The following MAGI2 variants were observed in gnomAD, a reference collection of about 807,000 sequenced individuals.
MAGI2 encodes the protein membrane associated guanylate kinase, WW and PDZ domain containing 2.
Under a neutral mutation model 133.3 loss-of-function variants are expected in MAGI2, and 35 were observed. That is an observed-to-expected ratio of 0.26 (90% CI 0.20 to 0.35). MAGI2 has a LOEUF of 0.35. Among genes scored for constraint, MAGI2 ranks in the 10% least tolerant of loss-of-function variants. The probability of loss-of-function intolerance (pLI) is 1.00; values close to 1 mark genes in which losing one functional copy is unlikely to be tolerated. For synonymous variants in MAGI2, 729 were observed against 710.6 expected (o/e 1.03, Z -0.41); for missense variants, 1,636 against 1,863.4 (o/e 0.88, Z 2.25).
At chr7:79,395,667 T>G (rs1020266236) in intron 1 of MAGI2, among the ~76,000 whole-genome samples, 3 of 152,192 alleles carry the variant, frequency 2.0e-5, no homozygotes, top group Non-Finnish European at 4.4e-5. Flanking sequence ...ATTAAGATCA[T>G]TCTGATATAT....
chr7:78,815,846 T>A (rs1789530004), intron 2 of MAGI2, among the ~76,000 whole-genome samples: 1 of 152,204 alleles, frequency 6.6e-6, no homozygotes, highest in Admixed American at 6.5e-5. Flanking sequence ...TTAACAATAT[T>A]GAAGTCAGGC....
intron 2 of MAGI2, among the ~76,000 whole-genome samples, chr7:78,645,196 A>T (rs907857033): frequency 6.6e-6 from 1 of 152,092 alleles, no homozygotes; most frequent in Non-Finnish European, 1.5e-5. Flanking sequence ...CTCCAGAGCC[A>T]GATAGCTTCA....
intron 1 of MAGI2, among the ~76,000 whole-genome samples, chr7:79,150,316 C>T (rs928199753): frequency 2.0e-5 from 3 of 151,320 alleles, no homozygotes; most frequent in African/African-American, 4.8e-5. Flanking sequence ...ACTCCAACAT[C>T]CCAAAATAGC....
chr7:78,309,358 T>C (rs1213385485), intron 9 of MAGI2, among the ~76,000 whole-genome samples: 1 of 152,150 alleles, frequency 6.6e-6, no homozygotes, highest in Non-Finnish European at 1.5e-5. Flanking sequence ...TATGCAGCCA[T>C]AAAAAAGAAT....
chr7:78,667,659 C>T lies in MAGI2; in HGVS notation c.419-40420G>A, dbSNP rs566156140. On this transcript the variant is annotated intron_variant, in intron 2 of 21. Coordinates refer to ENST00000354212, the MANE Select transcript of MAGI2 (RefSeq NM_012301.4). Reference sequence around the variant, plus strand: ...TGCAGTGTTTGGTTTTTTGTCCTTGCGACAGTTTACTGAGAATGATGATTT... The same window carrying T: ...TGCAGTGTTTGGTTTTTTGTCCTTGTGACAGTTTACTGAGAATGATGATTT... Among the ~76,000 whole-genome samples the T allele has an allele frequency of 1.4e-3, 209 of 151,194 alleles. 1 individual carries two copies. The highest frequency in any genetic ancestry group is 0.012 in the South Asian group (57 of 4,770).
chr7:78,094,749 C>T (rs1817549035), intron 20 of MAGI2, among the ~76,000 whole-genome samples: 1 of 152,210 alleles, frequency 6.6e-6, no homozygotes, highest in African/African-American at 2.4e-5. Flanking sequence ...GTGCTGTTGA[C>T]TCCTGCCCTT....
At chr7:78,428,493 TA>T (rs1467864902) in intron 6 of MAGI2, among the ~76,000 whole-genome samples, 2 of 152,328 alleles carry the variant, frequency 1.3e-5, no homozygotes, top group East Asian at 3.9e-4. Context: ...TAAAAATATT[TA>T]AAAATTGACA....
At chr7:78,203,317 T>A (rs193028366) in intron 10 of MAGI2, among the ~76,000 whole-genome samples, 86 of 152,332 alleles carry the variant, frequency 5.6e-4, no homozygotes, top group South Asian at 8.3e-4. Context: ...CATCTCCACA[T>A]GAGACGTTAT....
intron 12 of MAGI2, among the ~76,000 whole-genome samples, chr7:78,192,949 G>A (rs1828379778): frequency 6.6e-6 from 1 of 152,148 alleles, no homozygotes; most frequent in Non-Finnish European, 1.5e-5. Flanking sequence ...GAGGGAAAGG[G>A]CGATGAAGAG....
intron 2 of MAGI2, among the ~76,000 whole-genome samples, chr7:78,694,357 C>T (rs977652438): frequency 7.9e-5 from 12 of 152,108 alleles, no homozygotes; most frequent in Non-Finnish European, 1.2e-4. Context: ...TCTTTTAAAC[C>T]AGGTGGAATC....
At chr7:79,047,322 CT>C (rs1177807565) in intron 1 of MAGI2, among the ~76,000 whole-genome samples, 2 of 151,760 alleles carry the variant, frequency 1.3e-5, no homozygotes, top group African/African-American at 2.4e-5. Context: ...CTAAATTACT[CT>C]TTATTAAATT....
chr7:78,597,029 A>G (rs893547733), intron 3 of MAGI2, among the ~76,000 whole-genome samples: 5 of 152,168 alleles, frequency 3.3e-5, no homozygotes, highest in Admixed American at 3.3e-4. Context: ...GTGGGGAAAA[A>G]AAGTTGGAGA....
chr7:79,148,795 T>C (rs1822892554), intron 1 of MAGI2, among the ~76,000 whole-genome samples: 1 of 151,040 alleles, frequency 6.6e-6, no homozygotes, highest in Non-Finnish European at 1.5e-5. Context: ...TTTCTCTGTA[T>C]TGTATACTAT....
intron 9 of MAGI2, among the ~76,000 whole-genome samples, chr7:78,273,666 T>C (rs1347872040): frequency 2.0e-5 from 3 of 152,168 alleles, no homozygotes; most frequent in Non-Finnish European, 4.4e-5. Context: ...TCTTCTCTTC[T>C]CGCTTTTTTT....
At chr7:78,922,040 G>C (rs955128844) in intron 2 of MAGI2, among the ~76,000 whole-genome samples, 1 of 152,000 alleles carries the variant, frequency 6.6e-6, no homozygotes, top group Non-Finnish European at 1.5e-5. Flanking sequence ...TCCTACGTTA[G>C]ACTGAGATTA....
rs80020886 is a variant in MAGI2 at position 79,063,019 on chromosome 7, A to G, written c.302-55813T>C. On this transcript the variant is annotated intron_variant, in intron 1 of 21. Transcript: ENST00000354212. ...TCCTTATGCTGCTTGATAAACTCCA[A>G]TGAAAGGTCCATGCTGGATGATTCT... 3.0e-4 allele frequency among the ~76,000 whole-genome samples: 45 copies of G among 152,242 alleles called. 1 individual carries two copies. In the East Asian group the frequency reaches 8.7e-3, roughly 29 times the overall value.
At chr7:79,175,237 G>A (rs1000399750) in intron 1 of MAGI2, among the ~76,000 whole-genome samples, 2 of 151,750 alleles carry the variant, frequency 1.3e-5, no homozygotes, top group Non-Finnish European at 2.9e-5. Flanking sequence ...AACACTGACT[G>A]ATTTTCTCTG....
At chr7:78,320,504 C>T (rs1184326332) in intron 9 of MAGI2, among the ~76,000 whole-genome samples, 2 of 151,948 alleles carry the variant, frequency 1.3e-5, no homozygotes, top group South Asian at 2.1e-4. Context: ...TCACATAAGC[C>T]GAACCAATGA....
intron 3 of MAGI2, among the ~76,000 whole-genome samples, chr7:78,543,732 T>C (rs1798596052): frequency 6.6e-6 from 1 of 152,202 alleles, no homozygotes; most frequent in African/African-American, 2.4e-5. Context: ...AAGCATTCAC[T>C]AATCTCCTCC....
Sources: gnomAD v4.1 joint callset for allele counts (sites outside exome capture counted in the v4.1 genomes callset) on GRCh38, gnomAD v4.1.1 for gene constraint, MANE v1.5 for transcripts, NCBI Gene and HGNC (gene_info 2026-07-23, HGNC 2026-07-21) for gene names.